FA2H: variants seen among roughly 807,000 people sequenced by gnomAD.
FA2H encodes fatty acid alpha-hydroxylase.
FA2H carries 22 observed loss-of-function variants against 44.9 expected under a neutral mutation model. The observed-to-expected ratio is 0.49, with a 90% CI of 0.35 to 0.70. The LOEUF is 0.70. Ranked by LOEUF, FA2H falls within the 30% of genes least tolerant of loss-of-function variation. The probability of loss-of-function intolerance (pLI) is 0.01; values close to 1 mark genes in which losing one functional copy is unlikely to be tolerated. For synonymous variants in FA2H, 243 were observed against 213.2 expected, an observed-to-expected ratio of 1.14 and a Z score of -1.22; for missense variants, 501 against 504.9, an observed-to-expected ratio of 0.99 and a Z score of 0.07.
chr16:74,743,130 G>A (rs1962345983), intron 1 of FA2H, among the ~76,000 whole-genome samples: 1 of 152,156 alleles, frequency 6.6e-6, no homozygotes, highest in Non-Finnish European at 1.5e-5. Flanking sequence ...ACGATTACTG[G>A]TGTGAGGCAC....
chr16:74,721,916 G>A (rs143218505), intron 4 of FA2H, among the ~76,000 whole-genome samples: 33 of 152,362 alleles, frequency 2.2e-4, no homozygotes, highest in African/African-American at 7.9e-4. Context: ...AGTAACGGCA[G>A]ATGTGTCCTG....
At chr16:74,738,016 G>A (rs1034768356) in intron 2 of FA2H, among the ~76,000 whole-genome samples, 3 of 152,216 alleles carry the variant, frequency 2.0e-5, no homozygotes, top group Non-Finnish European at 4.4e-5. Flanking sequence ...AAAGAAAAAA[G>A]CAGAAAAGCA....
intron 1 of FA2H, among the ~76,000 whole-genome samples, chr16:74,745,805 T>TTTTTC (rs1177170737): frequency 2.0e-5 from 3 of 147,502 alleles, no homozygotes; most frequent in African/African-American, 7.6e-5. Context: ...ATGGATTTTT[T>TTTTTC]TTTTTTTTTT....
intron 1 of FA2H, among the ~76,000 whole-genome samples, chr16:74,772,056 C>T (rs745486977): frequency 2.0e-5 from 3 of 151,688 alleles, no homozygotes; most frequent in Non-Finnish European, 4.4e-5. Flanking sequence ...GCTCACCTGG[C>T]TTCCCATTTT....
intron 6 of FA2H, 53 bp from the exon 7 acceptor site, chr16:74,714,322 C>CGCTG: frequency 8.2e-7 from 1 of 1,213,578 alleles, no homozygotes; most frequent in South Asian, 1.3e-5. Flanking sequence ...AGCAGGCGTG[C>CGCTG]GCTGGCTTGG....
intron 1 of FA2H, among the ~76,000 whole-genome samples, chr16:74,748,176 T>G (rs1962460925): frequency 6.6e-6 from 1 of 152,236 alleles, no homozygotes; most frequent in African/African-American, 2.4e-5. Flanking sequence ...GCGGCCTTGT[T>G]CCCCTTCTTT....
intron 4 of FA2H, among the ~76,000 whole-genome samples, chr16:74,721,588 C>T (rs1292931559): frequency 1.3e-5 from 2 of 152,204 alleles, no homozygotes; most frequent in African/African-American, 4.8e-5. Context: ...CATGGAGACT[C>T]ACACAGCTGT....
intron 1 of FA2H, among the ~76,000 whole-genome samples, chr16:74,749,409 C>G (rs1962490007): frequency 1.3e-5 from 2 of 149,162 alleles, no homozygotes; most frequent in South Asian, 4.3e-4. Flanking sequence ...GCCCTGCAGG[C>G]CACCGTCCTG....
Position 74,729,912 on chromosome 16 carries a change from TA to T in FA2H, c.364-2527del, listed in dbSNP as rs912679451. Among the ~76,000 whole-genome samples, 12 of 151,322 alleles carry T rather than the reference TA, an allele frequency of 7.9e-5. No homozygotes were observed. In the South Asian group the frequency reaches 1.3e-3, roughly 16 times the overall value. Reference sequence around the variant, plus strand: ...TCAGGCAGCCACTGCAGGTGGGAAGTAGGGGAACCACAGGCAGGGAGAGGAG... The same window carrying T: ...TCAGGCAGCCACTGCAGGTGGGAAGTGGGGAACCACAGGCAGGGAGAGGAG... On this transcript the variant is annotated intron_variant, in intron 2 of 6. Transcript: ENST00000219368.
rs923057107 is a variant in FA2H, at chr16:74,713,186, A to T, written c.*1004T>A. ...AAGAAAGGAACCAAAAACAGGAGGA[A>T]ACAACATTTTTTACATAAGCTCAAC... On this transcript the variant is annotated 3_prime_UTR_variant, in exon 7 of 7. Coordinates refer to ENST00000219368, the MANE Select transcript of FA2H (RefSeq NM_024306.5). 3 of 152,666 alleles carry T rather than the reference A, an allele frequency of 2.0e-5. No individual in the cohort carries two copies. The highest frequency in any genetic ancestry group is 7.2e-5 in the African/African-American group (3 of 41,460). The allele number at this position is 152,666 out of a possible 1,614,324, so 9.5% of individuals were successfully genotyped here. A position where few individuals can be genotyped will look rare whatever the true frequency, so the allele number is the denominator to read the frequency against.
intron 1 of FA2H, among the ~76,000 whole-genome samples, chr16:74,756,600 A>G (rs80249556): frequency 0.024 from 3,705 of 152,132 alleles, 153 homozygotes; most frequent in African/African-American, 0.085. Flanking sequence ...CTGCAAGGGA[A>G]TGCAAGGAGG....
At chr16:74,738,496 C>G (rs1020598869) in intron 2 of FA2H, among the ~76,000 whole-genome samples, 1 of 152,178 alleles carries the variant, frequency 6.6e-6, no homozygotes, top group African/African-American at 2.4e-5. Flanking sequence ...CAGCCAGCCT[C>G]AGACCCCAGC....
At chr16:74,728,403 G>A (rs552018873) in intron 2 of FA2H, among the ~76,000 whole-genome samples, 5 of 152,306 alleles carry the variant, frequency 3.3e-5, no homozygotes, top group East Asian at 1.9e-4. Flanking sequence ...CACGGTAGGC[G>A]AGGAGGGCTT....
intron 4 of FA2H, 184 bp downstream of exon 4, chr16:74,726,041 G>T (rs1381276606): frequency 1.5e-5 from 9 of 596,934 alleles, no homozygotes; most frequent in African/African-American, 7.4e-5. Context: ...GTATCCATTT[G>T]GGGGGTAGAT....
At chr16:74,752,959 G>T (rs1382510781) in intron 1 of FA2H, among the ~76,000 whole-genome samples, 1 of 152,220 alleles carries the variant, frequency 6.6e-6, no homozygotes, top group Non-Finnish European at 1.5e-5. Flanking sequence ...GGGGTGCACA[G>T]TCCTGCCCAG....
chr16:74,743,821 G>A (rs775811135), intron 1 of FA2H, among the ~76,000 whole-genome samples: 3 of 152,294 alleles, frequency 2.0e-5, no homozygotes, highest in African/African-American at 7.2e-5. Context: ...CAGAAGCCCA[G>A]GTTCTTATCA....
intron 1 of FA2H, among the ~76,000 whole-genome samples, chr16:74,771,960 T>C (rs950288506): frequency 6.6e-6 from 1 of 151,920 alleles, no homozygotes; most frequent in Non-Finnish European, 1.5e-5. Flanking sequence ...TCCTTTTTTT[T>C]TTTTTTTTAA....
intron 1 of FA2H, among the ~76,000 whole-genome samples, chr16:74,769,369 T>C (rs112191602): frequency 3.2e-4 from 48 of 152,240 alleles, no homozygotes; most frequent in African/African-American, 1.1e-3. Flanking sequence ...AGTGCCTGGA[T>C]TACAGGCATG....
chr16:74,744,092 C>T (rs1274441582), intron 1 of FA2H, among the ~76,000 whole-genome samples: 3 of 152,140 alleles, frequency 2.0e-5, no homozygotes, highest in African/African-American at 7.2e-5. Flanking sequence ...TGGGTCCTGC[C>T]AGGAGCAGCT....
Sources: allele counts gnomAD v4.1 joint callset (sites outside exome capture counted in the v4.1 genomes callset), GRCh38; gene constraint gnomAD v4.1.1; transcripts MANE v1.5; gene names NCBI Gene and HGNC (gene_info 2026-07-23, HGNC 2026-07-21).